DMD: variants seen among roughly 807,000 people sequenced by gnomAD.
DMD encodes the protein dystrophin, also known as mutant dystrophin.
DMD carries 63 observed loss-of-function variants against 330.1 expected under a neutral mutation model. That is an observed-to-expected ratio of 0.19 (90% CI 0.16 to 0.24). DMD has a LOEUF of 0.24. Ranked by LOEUF, DMD falls within the 10% of genes least tolerant of loss-of-function variation. The pLI is 1.00. For missense variants in DMD, 3,344 were observed against 2,684.1 expected (o/e 1.25, Z -5.43); for synonymous variants, 1,223 against 959.8 (o/e 1.27, Z -5.07).
chrX:32,288,356 T>TA (rs1385668968), intron 42 of DMD, among the ~76,000 whole-genome samples: 2 of 111,916 alleles, frequency 1.8e-5, no homozygotes, highest in Admixed American at 9.5e-5. Flanking sequence ...GAGCCATCCT[T>TA]AATTTTTTCA....
At position 31,146,055 on chromosome X, in the gene DMD, G is replaced by A. The variant is rs72466535; in HGVS notation, c.10921+236C>T. Among the ~76,000 whole-genome samples the A allele has an allele frequency of 0.015, 1,678 of 112,466 alleles. 7 individuals are homozygous for A. The highest frequency in any genetic ancestry group is 0.023 in the Non-Finnish European group (1,246 of 53,242). ...TCAGAACTCACCAATCTTGGCCTTG[G>A]CAATTGCCTCCTAACTGGTCTTCTC... On this transcript the variant is annotated intron_variant, in intron 76 of 78. Coordinates refer to ENST00000357033, the MANE Select transcript of DMD (RefSeq NM_004006.3).
intron 53 of DMD, among the ~76,000 whole-genome samples, chrX:31,658,962 T>G (rs995317235): frequency 8.9e-6 from 1 of 111,988 alleles, no homozygotes; most frequent in African/African-American, 3.2e-5. Flanking sequence ...TAGGATGGGT[T>G]AAGTCATTGA....
At chrX:31,905,633 C>T (rs1365704498) in intron 47 of DMD, among the ~76,000 whole-genome samples, 6 of 109,163 alleles carry the variant, frequency 5.5e-5, no homozygotes, top group Non-Finnish European at 7.6e-5. Context: ...GGGAGAAAGG[C>T]AACAGAGACG....
At chrX:33,061,732 G>C (rs759864642) in intron 1 of DMD, among the ~76,000 whole-genome samples, 2 of 111,460 alleles carry the variant, frequency 1.8e-5, no homozygotes, top group East Asian at 5.7e-4. Flanking sequence ...TTAGACGATA[G>C]CTGTAAATAC....
intron 2 of DMD, among the ~76,000 whole-genome samples, chrX:32,949,361 GATAGAT>G (rs1569545107): frequency 1.1e-5 from 1 of 91,706 alleles, no homozygotes; most frequent in African/African-American, 4.5e-5. Context: ...TAGATAGATA[GATAGAT>G]AGATAGATAG....
chrX:31,178,021 C>T (rs1569418712), intron 70 of DMD, 51 bp from the exon 71 acceptor site: 4 of 1,150,104 alleles, frequency 3.5e-6, no homozygotes, highest in East Asian at 3.0e-5. Flanking sequence ...AACTCAGCCG[C>T]AAAAAAATTT....
At chrX:32,287,457 G>A in intron 43 of DMD, 72 bp downstream of exon 43, 1 of 1,046,629 alleles carries the variant, frequency 9.6e-7, no homozygotes, top group Non-Finnish European at 1.3e-6. Context: ...GGAGGGTACT[G>A]AAATAAATTC....
chrX:31,293,673 C>T (rs965095871), intron 62 of DMD, among the ~76,000 whole-genome samples: 1 of 111,953 alleles, frequency 8.9e-6, no homozygotes, highest in African/African-American at 3.2e-5. Context: ...GAAATCTCCC[C>T]ATACTTGCTG....
At chrX:31,575,339 C>T (rs780010218) in intron 55 of DMD, among the ~76,000 whole-genome samples, 1 of 111,087 alleles carries the variant, frequency 9.0e-6, no homozygotes, top group Admixed American at 9.6e-5. Context: ...TATCTATGAA[C>T]TATTGAGACA....
chrX:31,200,092 G>A (rs1414511899), intron 67 of DMD, among the ~76,000 whole-genome samples: 1 of 112,012 alleles, frequency 8.9e-6, no homozygotes, highest in East Asian at 2.8e-4. Context: ...TTGCTAAAAC[G>A]CTGAGAGGCT....
chrX:32,783,315 G>GTATA (rs748085263), intron 7 of DMD, among the ~76,000 whole-genome samples: 2 of 93,399 alleles, frequency 2.1e-5, no homozygotes, highest in African/African-American at 7.8e-5. Context: ...CACATATATG[G>GTATA]TATATATATA....
chrX:32,273,329 C>T (rs1013362601), intron 43 of DMD, among the ~76,000 whole-genome samples: 3 of 110,344 alleles, frequency 2.7e-5, no homozygotes, highest in Non-Finnish European at 5.7e-5. Context: ...CAGTGGTGTG[C>T]CTCTGTAATC....
chrX:33,083,860 C>T (rs2094965820), intron 1 of DMD, among the ~76,000 whole-genome samples: 1 of 110,870 alleles, frequency 9.0e-6, no homozygotes, highest in South Asian at 3.9e-4. Context: ...AATGGAGTAA[C>T]AGACAGAGAC....
At chrX:31,912,908 G>A (rs937260875) in intron 47 of DMD, among the ~76,000 whole-genome samples, 3 of 112,983 alleles carry the variant, frequency 2.7e-5, no homozygotes, top group Admixed American at 9.3e-5. Context: ...ACAAACAGAA[G>A]CTTGATAAGT....
intron 54 of DMD, among the ~76,000 whole-genome samples, chrX:31,628,941 T>TATATATATATATATATATATAA (rs1319231616): frequency 9.8e-6 from 1 of 102,211 alleles, no homozygotes; most frequent in Non-Finnish European, 2.0e-5. Context: ...TATATATATA[T>TATATATATATATATATATATAA]AAAATGCATG....
intron 12 of DMD, among the ~76,000 whole-genome samples, chrX:32,602,991 T>A (rs745920783): frequency 5.4e-5 from 6 of 111,606 alleles, no homozygotes; most frequent in Non-Finnish European, 9.5e-5. Context: ...TATTTGTCTG[T>A]AAAATCAAGT....
intron 54 of DMD, among the ~76,000 whole-genome samples, chrX:31,639,703 A>G (rs996184447): frequency 3.4e-4 from 38 of 112,062 alleles, no homozygotes; most frequent in African/African-American, 1.2e-3. Flanking sequence ...GCATACTACA[A>G]CACATATTAT....
At chrX:31,508,478 T>C (rs746147791) in intron 55 of DMD, 13 of 268,972 alleles carry the variant, frequency 4.8e-5, no homozygotes, top group South Asian at 2.1e-4. Context: ...GCCTGGAATA[T>C]GCAACTGACA....
intron 29 of DMD, among the ~76,000 whole-genome samples, chrX:32,417,737 G>T (rs1232218139): frequency 9.1e-6 from 1 of 110,126 alleles, no homozygotes; most frequent in African/African-American, 3.3e-5. Flanking sequence ...CCTTCTTAAA[G>T]ATGGGGAAAA....
Sources: gnomAD v4.1 joint callset for allele counts (sites outside exome capture counted in the v4.1 genomes callset) on GRCh38, gnomAD v4.1.1 for gene constraint, MANE v1.5 for transcripts, NCBI Gene and HGNC (gene_info 2026-07-23, HGNC 2026-07-21) for gene names.